DAB1: variants seen among roughly 807,000 people sequenced by gnomAD.
DAB1 encodes DAB adaptor protein 1.
In DAB1, 15 loss-of-function variants were observed where a neutral mutation model predicts 64.6. The observed-to-expected ratio is 0.23, with a 90% confidence interval of 0.16 to 0.36. DAB1 has a LOEUF of 0.36. DAB1 is among the 10% of genes least tolerant of loss of function. DAB1 has a pLI of 1.00. For synonymous variants in DAB1, 235 were observed against 251.9 expected, an observed-to-expected ratio of 0.93 and a Z score of 0.64; for missense variants, 596 against 706.7, an observed-to-expected ratio of 0.84 and a Z score of 1.78.
At chr1:57,774,015 A>G (rs1649681106) in intron 6 of DAB1, among the ~76,000 whole-genome samples, 1 of 151,872 alleles carries the variant, frequency 6.6e-6, no homozygotes, top group Non-Finnish European at 1.5e-5. Context: ...TTAGAATAGG[A>G]TTGTAAATTT....
At chr1:58,043,680 T>A (rs1647175550) in intron 5 of DAB1, among the ~76,000 whole-genome samples, 1 of 152,182 alleles carries the variant, frequency 6.6e-6, no homozygotes, top group African/African-American at 2.4e-5. Flanking sequence ...ATCACTATTG[T>A]GCCATGAAAT....
intron 9 of DAB1, among the ~76,000 whole-genome samples, chr1:57,061,228 T>TGCGGG (rs796808475): frequency 3.5e-5 from 4 of 114,744 alleles, no homozygotes; most frequent in African/African-American, 1.0e-4. Context: ...CATATTTAGA[T>TGCGGG]GGGGGGGGGG....
At chr1:58,209,794 C>G (rs1557696716) in intron 4 of DAB1, among the ~76,000 whole-genome samples, 1 of 151,990 alleles carries the variant, frequency 6.6e-6, no homozygotes, top group African/African-American at 2.4e-5. Context: ...TGAAAATACA[C>G]TTAGGGACTA....
rs1211137117 is a variant in DAB1, at chr1:57,232,919, T to C, written c.67+58045A>G. Among the ~76,000 whole-genome samples the C allele has an allele frequency of 2.6e-5, 4 of 152,216 alleles. No homozygotes were observed. The South Asian group carries it at 6.2e-4, about 24-fold the overall frequency. On this transcript the variant is annotated intron_variant, in intron 2 of 14. Transcript: ENST00000371236. Reference sequence around the variant, plus strand: ...TGGGATTGTCATTGGTATGACCATGTCCAGTAAAATGTTCAGCAGGCAGCT... The same window carrying C: ...TGGGATTGTCATTGGTATGACCATGCCCAGTAAAATGTTCAGCAGGCAGCT...
intron 2 of DAB1, among the ~76,000 whole-genome samples, chr1:58,517,027 G>A (rs1646168085): frequency 6.6e-6 from 1 of 152,134 alleles, no homozygotes; most frequent in South Asian, 2.1e-4. Context: ...GGAGTCTGAT[G>A]CATCAAGGTC....
rs1647297911 is a variant in DAB1 at position 57,729,000 on chromosome 1, T to A, written n.552-79335A>T. On this transcript the variant is annotated intron_variant and non_coding_transcript_variant, in intron 6 of 20. Coordinates refer to the DAB1 transcript ENST00000485760. The stretch of plus-strand genomic sequence containing the variant: ...TTATGTCGACTTTGTAGGTGACTCA[T>A]GTAGTGTTCTCATTGCAGATAATAG... 2.0e-5 allele frequency among the ~76,000 whole-genome samples: 3 copies of A among 152,222 alleles called. No homozygotes were observed. The South Asian group carries it at 6.2e-4, about 31-fold the overall frequency.
chr1:57,138,675 C>A (rs1658334859), intron 3 of DAB1, among the ~76,000 whole-genome samples: 1 of 152,178 alleles, frequency 6.6e-6, no homozygotes, highest in Non-Finnish European at 1.5e-5. Flanking sequence ...AAGGAACATG[C>A]AGAAATGGCC....
At chr1:58,424,709 G>T (rs972547939) in intron 3 of DAB1, among the ~76,000 whole-genome samples, 14 of 152,158 alleles carry the variant, frequency 9.2e-5, no homozygotes, top group Non-Finnish European at 1.9e-4. Flanking sequence ...ATGAAGGAAT[G>T]GGGGCTCAAA....
At chr1:57,533,655 C>G (rs962031523) in intron 7 of DAB1, among the ~76,000 whole-genome samples, 1 of 133,796 alleles carries the variant, frequency 7.5e-6, no homozygotes, top group Non-Finnish European at 1.6e-5. Context: ...TACCATTCAG[C>G]TTCCTTGCAG....
chr1:57,729,414 C>T (rs978002742), intron 6 of DAB1, among the ~76,000 whole-genome samples: 3 of 152,208 alleles, frequency 2.0e-5, no homozygotes, highest in African/African-American at 7.2e-5. Context: ...GCCACATCCT[C>T]TCTGCACTGA....
At chr1:57,003,337 G>T (rs1380133069) in intron 14 of DAB1, among the ~76,000 whole-genome samples, 1 of 152,116 alleles carries the variant, frequency 6.6e-6, no homozygotes, top group Non-Finnish European at 1.5e-5. Context: ...TTTATATACG[G>T]TCTTTCCAAT....
At chr1:58,222,326 T>A in intron 4 of DAB1, among the ~76,000 whole-genome samples, 1 of 152,130 alleles carries the variant, frequency 6.6e-6, no homozygotes, top group Non-Finnish European at 1.5e-5. Context: ...TCTCCTCCCA[T>A]CCTCTCATGG....
chr1:57,321,190 GCA>G lies in DAB1; in HGVS notation c.-136-30026_-136-30025del, dbSNP rs529777101. Reference sequence around the variant, plus strand: ...GACTCCAATTTCAGCACTTGACTTTGCAAAGTCTCAATCTATTAAATAGAATC... The same window carrying G: ...GACTCCAATTTCAGCACTTGACTTTGAAGTCTCAATCTATTAAATAGAATC... On this transcript the variant is annotated intron_variant, in intron 1 of 14. Coordinates refer to ENST00000371236, the MANE Select transcript of DAB1 (RefSeq NM_001365792.1). Among the ~76,000 whole-genome samples, 8 of 152,206 alleles carry G rather than the reference GCA, an allele frequency of 5.3e-5. No individual in the cohort carries two copies. In the South Asian group the frequency reaches 6.2e-4, roughly 12 times the overall value.
In DAB1 at chr1:58,042,549, T is replaced by A. The variant is rs543704415; in HGVS notation, n.387+107962A>T. Reference sequence around the variant, plus strand: ...GAGCGATAGTTCCATACTGGCAATATATGCATGGCGCATTGAAAACACAAA... The same window carrying A: ...GAGCGATAGTTCCATACTGGCAATAAATGCATGGCGCATTGAAAACACAAA... On this transcript the variant is annotated intron_variant and non_coding_transcript_variant, in intron 5 of 20. Coordinates refer to the DAB1 transcript ENST00000485760. 4.6e-5 allele frequency among the ~76,000 whole-genome samples: 7 copies of A among 152,228 alleles called. No individual in the cohort carries two copies. In the South Asian group the frequency reaches 1.0e-3, roughly 23 times the overall value.
chr1:57,717,194 A>G (rs1647094002), intron 6 of DAB1, among the ~76,000 whole-genome samples: 1 of 151,902 alleles, frequency 6.6e-6, no homozygotes, highest in South Asian at 2.1e-4. Context: ...CCGAGACCGC[A>G]CCATTGCACT....
At chr1:57,895,039 G>A (rs997590250) in intron 5 of DAB1, among the ~76,000 whole-genome samples, 2 of 151,266 alleles carry the variant, frequency 1.3e-5, no homozygotes, top group African/African-American at 4.9e-5. Context: ...ATATAATCCT[G>A]AAAGGGGAAA....
At chr1:57,658,545 C>T (rs921963055) in intron 6 of DAB1, among the ~76,000 whole-genome samples, 1 of 151,686 alleles carries the variant, frequency 6.6e-6, no homozygotes, top group Non-Finnish European at 1.5e-5. Flanking sequence ...CCTTGTGATC[C>T]ACCCACCTCG....
intron 5 of DAB1, among the ~76,000 whole-genome samples, chr1:57,957,938 T>C (rs1352280356): frequency 6.6e-6 from 1 of 152,148 alleles, no homozygotes; most frequent in Non-Finnish European, 1.5e-5. Flanking sequence ...TATGAAACTC[T>C]TTGTTCTGAC....
intron 1 of DAB1, among the ~76,000 whole-genome samples, chr1:57,405,288 A>C (rs1683541722): frequency 6.6e-6 from 1 of 152,248 alleles, no homozygotes; most frequent in African/African-American, 2.4e-5. Flanking sequence ...AAAGAAAAAC[A>C]AACAATGGGA....
Sources: gnomAD v4.1 joint callset for allele counts (sites outside exome capture counted in the v4.1 genomes callset) on GRCh38, gnomAD v4.1.1 for gene constraint, MANE v1.5 for transcripts, NCBI Gene and HGNC (gene_info 2026-07-23, HGNC 2026-07-21) for gene names.